The following TBC1D30 variants were observed in gnomAD, a reference collection of about 807,000 sequenced individuals.
TBC1D30 encodes the protein TBC1 domain family, member 30.
TBC1D30 carries 31 observed loss-of-function variants against 63.2 expected under a neutral mutation model. The ratio of observed to expected loss-of-function variants is 0.49; its 90% confidence interval spans 0.37 to 0.66. The LOEUF (loss-of-function observed/expected upper bound fraction) is 0.66. TBC1D30 is among the 30% of genes least tolerant of loss of function. The pLI is 0.00. For missense variants in TBC1D30, 810 were observed against 953.6 expected (o/e 0.85, Z 1.98); for synonymous variants, 307 against 361.5 (o/e 0.85, Z 1.71).
In TBC1D30 at chr12:64,877,648, GTA is replaced by G. The variant is rs1162035505; in HGVS notation, c.*1861_*1862del. ...CTACAGCCTGTTTTTTGGGAAGGCTGTAGGTGGAGAGATGGGCTTATTTTGCA... is the reference window on the plus strand; with the variant it reads ...CTACAGCCTGTTTTTTGGGAAGGCTGGGTGGAGAGATGGGCTTATTTTGCA... On this transcript the variant is annotated 3_prime_UTR_variant, in exon 12 of 12. Coordinates refer to ENST00000539867, the MANE Select transcript of TBC1D30 (RefSeq NM_015279.2). The G allele has an allele frequency of 1.3e-5, 2 of 152,342 alleles. No individual in the cohort carries two copies. The highest frequency in any genetic ancestry group is 4.8e-5 in the African/African-American group (2 of 41,578). 9.4% of individuals were successfully genotyped at this position (152,342 alleles called of 1,614,324 possible).
intron 2 of TBC1D30, among the ~76,000 whole-genome samples, chr12:64,795,920 T>TGCAAA (rs1427265066): frequency 2.0e-5 from 3 of 152,104 alleles, no homozygotes; most frequent in Non-Finnish European, 4.4e-5. Flanking sequence ...TAGATTTGCC[T>TGCAAA]TAAATTTGGA....
chr12:64,866,952 A>G, intron 10 of TBC1D30, 49 bp downstream of exon 10: 1 of 1,525,666 alleles, frequency 6.6e-7, no homozygotes, highest in South Asian at 1.2e-5. Context: ...TTGGTTTACT[A>G]CAATAAGAGT....
At chr12:64,829,752 A>C (rs1331563719) in intron 3 of TBC1D30, among the ~76,000 whole-genome samples, 1 of 152,260 alleles carries the variant, frequency 6.6e-6, no homozygotes, top group African/African-American at 2.4e-5. Context: ...ATATTTCTAG[A>C]ATTTGAAAAT....
chr12:64,808,343 G>T (rs1413497943), intron 2 of TBC1D30, among the ~76,000 whole-genome samples: 1 of 152,032 alleles, frequency 6.6e-6, no homozygotes, highest in Non-Finnish European at 1.5e-5. Flanking sequence ...TTCCAGGGTC[G>T]TCCTGGCCAC....
intron 11 of TBC1D30, among the ~76,000 whole-genome samples, chr12:64,873,475 A>G (rs1439613188): frequency 6.6e-6 from 1 of 152,134 alleles, no homozygotes; most frequent in Admixed American, 6.5e-5. Flanking sequence ...ACAAAGAGAC[A>G]GGGATGCCTG....
At chr12:64,845,513 T>C (rs1163001254) in intron 8 of TBC1D30, among the ~76,000 whole-genome samples, 2 of 151,254 alleles carry the variant, frequency 1.3e-5, no homozygotes, top group Admixed American at 1.3e-4. Context: ...GATCACGAGG[T>C]CAGGAGATCG....
intron 8 of TBC1D30, among the ~76,000 whole-genome samples, chr12:64,858,844 G>A (rs1176190839): frequency 4.6e-5 from 7 of 152,198 alleles, no homozygotes; most frequent in Non-Finnish European, 1.0e-4. Context: ...AGAGCACAGT[G>A]TGGGGAGTGC....
chr12:64,831,679 C>G lies in TBC1D30; in HGVS notation c.409-440C>G, dbSNP rs111240534. Among the ~76,000 whole-genome samples the G allele has an allele frequency of 4.5e-3, 679 of 152,116 alleles. 7 individuals carry two copies. Among genetic ancestry groups the G allele is most frequent in the African/African-American group, 0.015 (641 of 41,484 alleles). ...ATTTTTTGCTATTTTGATTTCACTC[C>G]TTTATGTTATTTAGAGTTTTGATAG... On this transcript the variant is annotated intron_variant, in intron 4 of 11. Transcript: ENST00000539867.
chr12:64,872,747 T>G (rs1358946675), intron 11 of TBC1D30, among the ~76,000 whole-genome samples: 1 of 152,092 alleles, frequency 6.6e-6, no homozygotes, highest in Non-Finnish European at 1.5e-5. Context: ...GGACTTACAG[T>G]TTCACATGGC....
rs1565699292 is a variant in TBC1D30, at chr12:64,878,507, C to G, written c.*2719C>G. ...ACAAAAGCCTCCAGATGATCTAAAT[C>G]TAGTTAGCAATGTCAGCCTGTGGAC... On this transcript the variant is annotated 3_prime_UTR_variant, in exon 12 of 12. Transcript: ENST00000539867. 1 of 456,736 alleles carries G rather than the reference C, an allele frequency of 2.2e-6. No homozygotes were observed. The highest frequency in any genetic ancestry group is 2.3e-5 in the Admixed American group (1 of 42,588). The allele number at this position is 456,736 out of a possible 1,614,324, so 28.3% of individuals were successfully genotyped here.
intron 2 of TBC1D30, among the ~76,000 whole-genome samples, chr12:64,803,104 G>C (rs1449328918): frequency 1.3e-5 from 2 of 152,134 alleles, no homozygotes; most frequent in Admixed American, 6.5e-5. Flanking sequence ...CTAGTTTACA[G>C]TCCCACCAAC....
At chr12:64,802,436 G>A (rs1000362914) in intron 2 of TBC1D30, among the ~76,000 whole-genome samples, 2 of 151,970 alleles carry the variant, frequency 1.3e-5, no homozygotes, top group African/African-American at 4.8e-5. Flanking sequence ...TCCAGTACCT[G>A]GGACGACTCT....
chr12:64,800,353 G>A (rs898270060), intron 2 of TBC1D30, among the ~76,000 whole-genome samples: 4 of 152,304 alleles, frequency 2.6e-5, no homozygotes, highest in Non-Finnish European at 4.4e-5. Context: ...AGAGTGATGC[G>A]ACTGGGTTTT....
Position 64,760,701 on chromosome 12 carries a change from A to G in TBC1D30, c.-376+1052A>G, listed in dbSNP as rs534462746. On this transcript the variant is annotated intron_variant, in intron 1 of 13. Transcript: ENST00000674237. Reference sequence around the variant, plus strand: ...AACTGTTTGCCAAGAAGAGTCTCTTAAAACTCGTGAAAACTATTCCAGAAC... The same window carrying G: ...AACTGTTTGCCAAGAAGAGTCTCTTGAAACTCGTGAAAACTATTCCAGAAC... Among the ~76,000 whole-genome samples the G allele has an allele frequency of 1.1e-4, 16 of 152,050 alleles. No homozygotes were observed. In the South Asian group the frequency reaches 3.3e-3, roughly 32 times the overall value.
chr12:64,785,145 G>T (rs1369425918), intron 1 of TBC1D30, among the ~76,000 whole-genome samples: 2 of 111,630 alleles, frequency 1.8e-5, no homozygotes, highest in African/African-American at 7.6e-5. Flanking sequence ...GTACTTTAAA[G>T]ACTTTTTTTT....
intron 2 of TBC1D30, among the ~76,000 whole-genome samples, chr12:64,789,690 A>G (rs1056272716): frequency 6.6e-6 from 1 of 152,176 alleles, no homozygotes; most frequent in African/African-American, 2.4e-5. Flanking sequence ...GGTTTCCTAC[A>G]CCAAGCCTTA....
chr12:64,849,889 T>G (rs1876716710), intron 8 of TBC1D30, among the ~76,000 whole-genome samples: 1 of 152,240 alleles, frequency 6.6e-6, no homozygotes, highest in Non-Finnish European at 1.5e-5. Context: ...ATGATATTGA[T>G]TCTTCCTATC....
intron 8 of TBC1D30, among the ~76,000 whole-genome samples, chr12:64,863,895 T>C (rs1399370735): frequency 6.6e-6 from 1 of 152,246 alleles, no homozygotes; most frequent in Non-Finnish European, 1.5e-5. Flanking sequence ...GTGATTGATA[T>C]ATGTTTTCTG....
chr12:64,852,827 C>T (rs1876990718), intron 8 of TBC1D30, among the ~76,000 whole-genome samples: 2 of 152,308 alleles, frequency 1.3e-5, no homozygotes, highest in South Asian at 4.1e-4. Flanking sequence ...GGCTACAGAA[C>T]AGCAAAGATT....
Sources: gnomAD v4.1 joint callset for allele counts (sites outside exome capture counted in the v4.1 genomes callset) on GRCh38, gnomAD v4.1.1 for gene constraint, MANE v1.5 for transcripts, NCBI Gene and HGNC (gene_info 2026-07-23, HGNC 2026-07-21) for gene names.